Variants in TRIO observed in about 807,000 individuals in gnomAD.
TRIO encodes triple functional domain protein.
TRIO carries 58 observed loss-of-function variants against 351.9 expected under a neutral mutation model. The observed-to-expected ratio is 0.16, with a 90% CI of 0.13 to 0.21. The LOEUF is 0.21. Ranked by LOEUF, TRIO falls within the 10% of genes least tolerant of loss-of-function variation. The probability of loss-of-function intolerance (pLI) is 1.00; values close to 1 mark genes in which losing one functional copy is unlikely to be tolerated. For synonymous variants in TRIO, 1,758 were observed against 1,595.7 expected, an observed-to-expected ratio of 1.10 and a Z score of -2.42; for missense variants, 3,201 against 4,027.8, an observed-to-expected ratio of 0.79 and a Z score of 5.56.
At chr5:14,403,831 G>T (rs111163333) in intron 31 of TRIO, among the ~76,000 whole-genome samples, 4 of 105,458 alleles carry the variant, frequency 3.8e-5, no homozygotes, top group African/African-American at 9.0e-5. Context: ...GGGTGCAGGT[G>T]GTGGTGAGGG....
chr5:14,412,422 C>A (rs1383438969), intron 33 of TRIO, among the ~76,000 whole-genome samples: 1 of 152,216 alleles, frequency 6.6e-6, no homozygotes, highest in Admixed American at 6.5e-5. Context: ...AATGCCAATA[C>A]ATTTTGAAAT....
In TRIO at chr5:14,508,101, C is replaced by G. The variant is rs1231002859; in HGVS notation, c.8973C>G (p.Pro2991=). The part of the protein sequence containing the change: ...LTYVLLSGVS[P]FLDDSVEETC... ...ACGTACTTCTTAGTGGCGTGTCCCC[C>G]TTCCTGGATGACAGTGTGGAAGAGA... The change falls in exon 57 of 57, where the codon CCC becomes CCG. Residue 2991 remains proline, a synonymous_variant. Coordinates refer to ENST00000344204, the MANE Select transcript of TRIO (RefSeq NM_007118.4). 3.7e-6 allele frequency: 6 copies of G among 1,614,212 alleles called. No homozygotes were observed. Among genetic ancestry groups the G allele is most frequent in the Non-Finnish European group, 5.1e-6 (6 of 1,180,032 alleles).
At chr5:14,442,561 G>A (rs1282943463) in intron 34 of TRIO, among the ~76,000 whole-genome samples, 1 of 152,106 alleles carries the variant, frequency 6.6e-6, no homozygotes, top group Non-Finnish European at 1.5e-5. Context: ...TTGTATTTTT[G>A]TTCACAAAAC....
chr5:14,158,230 T>C (rs1176845415), intron 1 of TRIO, among the ~76,000 whole-genome samples: 3 of 151,976 alleles, frequency 2.0e-5, no homozygotes, highest in Admixed American at 2.0e-4. Context: ...ATCGAGACCA[T>C]CCTGGCCAAC....
chr5:14,498,694 G>A lies in TRIO; in HGVS notation c.8332+54G>A. 5.6e-6 allele frequency: 9 copies of A among 1,595,174 alleles called. No homozygotes were observed. The Admixed American group carries it at 1.5e-4, about 27-fold the overall frequency. On this transcript the variant is annotated intron_variant, in intron 53 of 56. Coordinates refer to ENST00000344204, the MANE Select transcript of TRIO (RefSeq NM_007118.4). ...TGACCCAGTGGGGCACGTCTTTCAG[G>A]AGTCTCCTTAAGTCCTGAGTCTGCC...
chr5:14,203,246 A>AAGAG (rs34299355), intron 1 of TRIO, among the ~76,000 whole-genome samples: 1 of 152,132 alleles, frequency 6.6e-6, no homozygotes, highest in African/African-American at 2.4e-5. Flanking sequence ...AGGCAATTTG[A>AAGAG]AGAGAGAGAT....
Position 14,143,625 on chromosome 5 carries a change from G to C in TRIO, c.-101G>C. 2.4e-6 allele frequency: 1 copy of C among 425,276 alleles called. No individual in the cohort carries two copies. Among genetic ancestry groups the C allele is most frequent in the Non-Finnish European group, 3.1e-6 (1 of 321,206 alleles). 26.3% of individuals were successfully genotyped at this position (425,276 alleles called of 1,614,324 possible). On this transcript the variant is annotated 5_prime_UTR_variant, in exon 1 of 57. Coordinates refer to ENST00000344204, the MANE Select transcript of TRIO (RefSeq NM_007118.4). ...TGCGTCCGCGCGCCGGGCGCGGGCA[G>C]CTGGGTGCTCGGCGCCGCCAGGCCC...
At chr5:14,481,830 G>A in intron 45 of TRIO, 1 of 491,306 alleles carries the variant, frequency 2.0e-6, no homozygotes, top group Non-Finnish European at 3.4e-6. Flanking sequence ...ACTTGCCTGT[G>A]CTCAAAGCCC....
intron 34 of TRIO, 70 bp from the exon 35 acceptor site, chr5:14,460,949 A>G (rs1396529641): frequency 6.9e-7 from 1 of 1,444,172 alleles, no homozygotes; most frequent in Non-Finnish European, 9.2e-7. Flanking sequence ...AGCCTGCGGG[A>G]TAATGGCATG....
At chr5:14,212,307 C>T (rs1791956207) in intron 1 of TRIO, among the ~76,000 whole-genome samples, 1 of 152,034 alleles carries the variant, frequency 6.6e-6, no homozygotes, top group African/African-American at 2.4e-5. Context: ...CCAGCTCGCC[C>T]AAGTATGTTG....
At position 14,492,562 on chromosome 5, in the gene TRIO, T is replaced by C. The variant is rs555461673; in HGVS notation, c.7633-5T>C. The C allele has an allele frequency of 6.2e-7, 1 of 1,614,006 alleles. No homozygotes were observed. The highest frequency in any genetic ancestry group is 1.3e-5 in the African/African-American group (1 of 75,044). ...CTTTCTCTGTCTTCATCTGTCCCTC[T>C]GCAGAGTGAAAGCAGCAGCAGTAGC... is the stretch of plus-strand genomic sequence containing the variant. On this transcript the variant is annotated splice_region_variant and splice_polypyrimidine_tract_variant and intron_variant, in intron 48 of 56. Transcript: ENST00000344204.
At chr5:14,373,187 AGATTACAATTCG>A (rs1441139474) in intron 18 of TRIO, among the ~76,000 whole-genome samples, 1 of 152,198 alleles carries the variant, frequency 6.6e-6, no homozygotes, top group African/African-American at 2.4e-5. Flanking sequence ...TGACATGTGG[AGATTACAATTCG>A]GATTACAATT....
intron 34 of TRIO, among the ~76,000 whole-genome samples, chr5:14,432,674 C>A (rs1301153060): frequency 6.6e-6 from 1 of 152,176 alleles, no homozygotes; most frequent in Non-Finnish European, 1.5e-5. Flanking sequence ...CAGAACTTTA[C>A]TCACAATGAG....
At chr5:14,385,249 G>C (rs879672775) in intron 21 of TRIO, among the ~76,000 whole-genome samples, 1 of 152,210 alleles carries the variant, frequency 6.6e-6, no homozygotes, top group South Asian at 2.1e-4. Context: ...TGTGTGTTAC[G>C]GCAGCAGCAC....
At chr5:14,504,022 G>A (rs1757479332) in intron 54 of TRIO, among the ~76,000 whole-genome samples, 1 of 152,254 alleles carries the variant, frequency 6.6e-6, no homozygotes, top group Non-Finnish European at 1.5e-5. Context: ...AAAGGTGGCT[G>A]ACGGGAGGCG....
In TRIO at chr5:14,186,293, C is replaced by T. The variant is rs1790106684; in HGVS notation, c.157+42411C>T. Among the ~76,000 whole-genome samples the T allele has an allele frequency of 4.6e-5, 7 of 152,280 alleles. No individual in the cohort carries two copies. In the South Asian group the frequency reaches 1.5e-3, roughly 32 times the overall value. ...ATTCCTTTTATAGAAATAAAAGTAC[C>T]TGGCCTCTATGATGCATAACTGTGA... On this transcript the variant is annotated intron_variant, in intron 1 of 56. Coordinates refer to ENST00000344204, the MANE Select transcript of TRIO (RefSeq NM_007118.4).
chr5:14,403,312 TGTGGTG>T (rs371524569), intron 31 of TRIO, among the ~76,000 whole-genome samples: 8 of 42,496 alleles, frequency 1.9e-4, no homozygotes, highest in African/African-American at 6.0e-4. Context: ...GGGTGTAGGT[TGTGGTG>T]GTGAGGGTGT....
chr5:14,193,706 A>G (rs1311957346), intron 1 of TRIO, among the ~76,000 whole-genome samples: 1 of 152,252 alleles, frequency 6.6e-6, no homozygotes, highest in Non-Finnish European at 1.5e-5. Flanking sequence ...CTGCAAAGTC[A>G]GCTGTCAGAG....
chr5:14,217,268 G>T (rs987094729), intron 1 of TRIO, among the ~76,000 whole-genome samples: 2 of 152,182 alleles, frequency 1.3e-5, no homozygotes, highest in African/African-American at 4.8e-5. Flanking sequence ...CATTCAGGTT[G>T]ACTCTCTGAG....
Sources: allele counts gnomAD v4.1 joint callset (sites outside exome capture counted in the v4.1 genomes callset), GRCh38; gene constraint gnomAD v4.1.1; transcripts MANE v1.5; gene names NCBI Gene and HGNC (gene_info 2026-07-23, HGNC 2026-07-21).